The following CLYBL variants were observed in gnomAD, a reference collection of about 807,000 sequenced individuals.
CLYBL encodes citramalyl-CoA lyase, mitochondrial.
Under a neutral mutation model 38.9 loss-of-function variants are expected in CLYBL, and 31 were observed. The ratio of observed to expected loss-of-function variants is 0.80; its 90% confidence interval spans 0.60 to 1.08. The LOEUF (loss-of-function observed/expected upper bound fraction) is 1.08, where lower values mean the gene tolerates loss of function less well. CLYBL is among the 50% of genes least tolerant of loss of function. The pLI, the probability that CLYBL is intolerant of heterozygous loss-of-function variation, is 0.00. For missense variants in CLYBL, 434 were observed against 411.6 expected (o/e 1.05, Z -0.47); for synonymous variants, 171 against 158.6 (o/e 1.08, Z -0.59).
intron 1 of CLYBL, among the ~76,000 whole-genome samples, chr13:99,733,517 G>A (rs1284379535): frequency 6.6e-6 from 1 of 152,204 alleles, no homozygotes; most frequent in Non-Finnish European, 1.5e-5. Context: ...ACATAGTGGT[G>A]TTTAACTACT....
At chr13:99,698,689 G>A (rs2139450740) in intron 1 of CLYBL, among the ~76,000 whole-genome samples, 1 of 152,302 alleles carries the variant, frequency 6.6e-6, no homozygotes, top group Admixed American at 6.5e-5. Context: ...ATATGCATTT[G>A]TAGCTATAAA....
At chr13:99,874,973 C>T (rs1365066664) in intron 7 of CLYBL, among the ~76,000 whole-genome samples, 1 of 152,244 alleles carries the variant, frequency 6.6e-6, no homozygotes, top group Non-Finnish European at 1.5e-5. Context: ...CAGTATCTGG[C>T]TACAAATATG....
intron 2 of CLYBL, among the ~76,000 whole-genome samples, chr13:99,794,474 G>A (rs947367485): frequency 6.6e-6 from 1 of 152,024 alleles, no homozygotes; most frequent in Non-Finnish European, 1.5e-5. Context: ...AGAAGATAGT[G>A]TGAAATCATG....
intron 1 of CLYBL, among the ~76,000 whole-genome samples, chr13:99,678,237 A>C (rs1426286681): frequency 1.3e-5 from 2 of 152,228 alleles, no homozygotes; most frequent in African/African-American, 4.8e-5. Context: ...TAACATCTGC[A>C]CTGCGGCAGA....
chr13:99,836,891 G>C (rs1420045606), intron 2 of CLYBL, among the ~76,000 whole-genome samples: 2 of 152,036 alleles, frequency 1.3e-5, no homozygotes, highest in Non-Finnish European at 2.9e-5. Context: ...GGACTGTTGT[G>C]GGGTGGGGGA....
chr13:99,832,055 T>G lies in CLYBL; in HGVS notation c.250-26806T>G, dbSNP rs1337994223. On this transcript the variant is annotated intron_variant, in intron 2 of 8. Coordinates refer to ENST00000339105, the MANE Select transcript of CLYBL (RefSeq NM_206808.5). ...ATGTTAGAATATGATGTTAATGAAT[T>G]TACTAGCTTCCAGTCGAGGATGAAT... 3.3e-5 allele frequency among the ~76,000 whole-genome samples: 5 copies of G among 152,372 alleles called. No individual in the cohort carries two copies. The East Asian group carries it at 9.6e-4, about 29-fold the overall frequency.
chr13:99,731,084 A>G (rs1375795898), intron 1 of CLYBL, among the ~76,000 whole-genome samples: 1 of 127,446 alleles, frequency 7.8e-6, no homozygotes, highest in Non-Finnish European at 1.8e-5. Context: ...CTCTGTTTCA[A>G]AAAAAAAAAA....
intron 1 of CLYBL, chr13:99,690,090 C>T (rs2047877681): frequency 6.6e-6 from 1 of 152,208 alleles, no homozygotes; most frequent in African/African-American, 2.4e-5. Flanking sequence ...CATTTTATCT[C>T]TCTGGACTGG....
At chr13:99,767,755 A>G (rs1477608771) in intron 1 of CLYBL, among the ~76,000 whole-genome samples, 10 of 152,050 alleles carry the variant, frequency 6.6e-5, no homozygotes, top group African/African-American at 2.4e-4. Flanking sequence ...TGAATTTTTC[A>G]TTTCAATTAT....
chr13:99,629,416 C>A (rs2046912777), intron 1 of CLYBL, among the ~76,000 whole-genome samples: 1 of 152,180 alleles, frequency 6.6e-6, no homozygotes, highest in South Asian at 2.1e-4. Flanking sequence ...AGGTTTTAGA[C>A]AGGTTACCTG....
intron 7 of CLYBL, among the ~76,000 whole-genome samples, chr13:99,884,115 A>T (rs1474861723): frequency 6.6e-6 from 1 of 152,164 alleles, no homozygotes; most frequent in Non-Finnish European, 1.5e-5. Flanking sequence ...CACTCAGCCC[A>T]AGAGTGCTGG....
intron 2 of CLYBL, among the ~76,000 whole-genome samples, chr13:99,807,851 G>A (rs2138971679): frequency 6.6e-6 from 1 of 151,952 alleles, no homozygotes; most frequent in Non-Finnish European, 1.5e-5. Context: ...AAATAACTTG[G>A]GCCTAATCTA....
chr13:99,681,137 A>G (rs2047728723), intron 1 of CLYBL, among the ~76,000 whole-genome samples: 1 of 152,254 alleles, frequency 6.6e-6, no homozygotes, highest in African/African-American at 2.4e-5. Context: ...CGCTGAATGT[A>G]AAGAGTGATT....
intron 1 of CLYBL, among the ~76,000 whole-genome samples, chr13:99,761,486 T>C (rs1179488113): frequency 6.6e-6 from 1 of 152,264 alleles, no homozygotes; most frequent in East Asian, 1.9e-4. Flanking sequence ...GTACAATCCA[T>C]GTTGCTGCAA....
intron 4 of CLYBL, among the ~76,000 whole-genome samples, chr13:99,864,570 AT>A (rs2051691964): frequency 6.6e-6 from 1 of 152,242 alleles, no homozygotes; most frequent in Admixed American, 6.5e-5. Flanking sequence ...CAAAAATGAG[AT>A]GAACTACAAT....
At chr13:99,887,585 CTCGTCTCTACA>C (rs1220366938) in intron 7 of CLYBL, among the ~76,000 whole-genome samples, 9 of 152,126 alleles carry the variant, frequency 5.9e-5, no homozygotes, top group Non-Finnish European at 1.3e-4. Flanking sequence ...ATAGGGAGGC[CTCGTCTCTACA>C]TAAAAAATTA....
intron 1 of CLYBL, among the ~76,000 whole-genome samples, chr13:99,619,443 T>A (rs959730643): frequency 6.6e-6 from 1 of 152,244 alleles, no homozygotes; most frequent in Non-Finnish European, 1.5e-5. Context: ...TAATACTTTT[T>A]AAAATAGCAG....
At chr13:99,787,699 A>G (rs533713682) in intron 2 of CLYBL, among the ~76,000 whole-genome samples, 372 of 152,274 alleles carry the variant, frequency 2.4e-3, no homozygotes, top group Middle Eastern at 3.4e-3. Context: ...TTTTGGTTCC[A>G]TATGAACTTT....
chr13:99,622,301 G>C (rs2046810259), intron 1 of CLYBL, among the ~76,000 whole-genome samples: 1 of 152,152 alleles, frequency 6.6e-6, no homozygotes, highest in African/African-American at 2.4e-5. Flanking sequence ...GACATCTTTG[G>C]GGGCCATTAT....
Sources: allele counts gnomAD v4.1 joint callset (sites outside exome capture counted in the v4.1 genomes callset), GRCh38; gene constraint gnomAD v4.1.1; transcripts MANE v1.5; gene names NCBI Gene and HGNC (gene_info 2026-07-23, HGNC 2026-07-21).